The following PREP variants were observed in gnomAD, a reference collection of about 807,000 sequenced individuals.
PREP encodes the protein dJ355L5.1 (prolyl endopeptidase).
In PREP, 29 loss-of-function variants were observed where a neutral mutation model predicts 87.6. The observed-to-expected ratio is 0.33, with a 90% CI of 0.25 to 0.45. PREP has a LOEUF of 0.45. Among genes scored for constraint, PREP ranks in the 20% least tolerant of loss-of-function variants. PREP has a pLI of 1.00. For missense variants in PREP, 695 were observed against 886.5 expected, an observed-to-expected ratio of 0.78 and a Z score of 2.74; for synonymous variants, 337 against 328.6, an observed-to-expected ratio of 1.03 and a Z score of -0.28.
chr6:105,289,278 C>T (rs1441689294), intron 10 of PREP, among the ~76,000 whole-genome samples: 1 of 152,216 alleles, frequency 6.6e-6, no homozygotes, highest in Non-Finnish European at 1.5e-5. Flanking sequence ...CTTCTCATCC[C>T]TCTCAGTGCT....
intron 7 of PREP, 49 bp from the exon 8 acceptor site, chr6:105,333,554 G>T (rs768030825): frequency 6.4e-7 from 1 of 1,568,772 alleles, no homozygotes; most frequent in Non-Finnish European, 8.8e-7. Context: ...TTTAAAAATG[G>T]TGTTGCTTTG....
chr6:105,381,554 A>G (rs1409626981), intron 2 of PREP, among the ~76,000 whole-genome samples: 1 of 152,254 alleles, frequency 6.6e-6, no homozygotes, highest in African/African-American at 2.4e-5. Context: ...CAGTACCCGC[A>G]GTCTCATTCT....
At chr6:105,366,966 G>T (rs1772402422) in intron 6 of PREP, among the ~76,000 whole-genome samples, 1 of 152,196 alleles carries the variant, frequency 6.6e-6, no homozygotes, top group African/African-American at 2.4e-5. Flanking sequence ...AAGAGTTATT[G>T]TTCACAGGGT....
At chr6:105,299,461 T>C (rs911895277) in intron 10 of PREP, among the ~76,000 whole-genome samples, 1 of 152,156 alleles carries the variant, frequency 6.6e-6, no homozygotes, top group Admixed American at 6.5e-5. Flanking sequence ...TAGCCAGGCA[T>C]GGTGGAGGAC....
intron 10 of PREP, among the ~76,000 whole-genome samples, chr6:105,300,968 G>C (rs1313775037): frequency 6.6e-6 from 1 of 152,230 alleles, no homozygotes. Flanking sequence ...TTCTCCTTGA[G>C]ATGCGTACAT....
intron 2 of PREP, among the ~76,000 whole-genome samples, chr6:105,394,227 G>T (rs907207643): frequency 6.6e-6 from 1 of 152,068 alleles, no homozygotes; most frequent in Non-Finnish European, 1.5e-5. Context: ...ACTAAAAGTA[G>T]GAATAACAAT....
At chr6:105,327,006 G>A (rs1771181739) in intron 9 of PREP, among the ~76,000 whole-genome samples, 1 of 152,190 alleles carries the variant, frequency 6.6e-6, no homozygotes, top group Non-Finnish European at 1.5e-5. Flanking sequence ...AGGTAATGAT[G>A]AGCTTGTTCC....
At chr6:105,334,592 G>A (rs1314622573) in intron 7 of PREP, among the ~76,000 whole-genome samples, 2 of 152,050 alleles carry the variant, frequency 1.3e-5, no homozygotes, top group Admixed American at 1.3e-4. Context: ...GGTGGCACAC[G>A]CCTGTAATCC....
At chr6:105,280,110 A>C (rs1163530817) in intron 14 of PREP, among the ~76,000 whole-genome samples, 2 of 152,202 alleles carry the variant, frequency 1.3e-5, no homozygotes, top group Admixed American at 6.5e-5. Context: ...GGCTAGCCAT[A>C]AAAAGCAAAC....
chr6:105,323,854 A>ATTGCTG, intron 9 of PREP, 86 bp from the exon 10 acceptor site: 5 of 1,111,078 alleles, frequency 4.5e-6, no homozygotes, highest in Middle Eastern at 2.0e-4. Flanking sequence ...ACCAAATGCC[A>ATTGCTG]GCAATGGCAA....
intron 10 of PREP, among the ~76,000 whole-genome samples, chr6:105,289,697 GATA>G (rs1304271041): frequency 6.6e-6 from 1 of 152,188 alleles, no homozygotes; most frequent in Admixed American, 6.5e-5. Flanking sequence ...ACAAAAAGCT[GATA>G]ATGCTTTTTT....
At chr6:105,285,800 G>C (rs546747308) in intron 11 of PREP, among the ~76,000 whole-genome samples, 3 of 152,102 alleles carry the variant, frequency 2.0e-5, no homozygotes, top group Non-Finnish European at 4.4e-5. Flanking sequence ...TTTTGAGACA[G>C]AGTCTCACTC....
At chr6:105,397,296 C>T (rs1255337854) in intron 2 of PREP, among the ~76,000 whole-genome samples, 2 of 151,932 alleles carry the variant, frequency 1.3e-5, no homozygotes, top group East Asian at 3.9e-4. Context: ...GAATGGACTT[C>T]AGCAGGATCC....
chr6:105,376,621 C>T (rs1772694255), intron 3 of PREP, among the ~76,000 whole-genome samples: 2 of 152,162 alleles, frequency 1.3e-5, no homozygotes, highest in South Asian at 4.1e-4. Context: ...GTTCTTTTCC[C>T]TAGCAAGGCT....
chr6:105,388,815 T>A (rs1773067338), intron 2 of PREP, among the ~76,000 whole-genome samples: 1 of 152,180 alleles, frequency 6.6e-6, no homozygotes, highest in African/African-American at 2.4e-5. Context: ...ATATGGGACA[T>A]GAATGAATGG....
intron 2 of PREP, among the ~76,000 whole-genome samples, chr6:105,390,880 A>G (rs1773125123): frequency 6.6e-6 from 1 of 152,126 alleles, no homozygotes; most frequent in East Asian, 1.9e-4. Context: ...GATCGGAGAG[A>G]TGCTGCCTCC....
intron 12 of PREP, among the ~76,000 whole-genome samples, chr6:105,284,559 G>A (rs6930687): frequency 0.22 from 32,659 of 147,780 alleles, 5,084 homozygotes; most frequent in African/African-American, 0.47. Context: ...CTGCTGACCA[G>A]CCCCAAGCAC....
chr6:105,356,521 C>T (rs1320988931), intron 6 of PREP, among the ~76,000 whole-genome samples: 1 of 152,196 alleles, frequency 6.6e-6, no homozygotes. Context: ...TGGGCAGTTC[C>T]CTCCTTTTGT....
At chr6:105,349,898 TAAAAA>T (rs1162063177) in intron 7 of PREP, among the ~76,000 whole-genome samples, 9 of 59,438 alleles carry the variant, frequency 1.5e-4, no homozygotes, top group South Asian at 6.5e-4. Context: ...GGGAAGCAGG[TAAAAA>T]AAAAAAAAAA....
Sources: gnomAD v4.1 joint callset for allele counts (sites outside exome capture counted in the v4.1 genomes callset) on GRCh38, gnomAD v4.1.1 for gene constraint, MANE v1.5 for transcripts, NCBI Gene and HGNC (gene_info 2026-07-23, HGNC 2026-07-21) for gene names.